Variants in NLK observed in about 807,000 individuals in gnomAD.
NLK encodes the protein nemo like kinase.
A neutral mutation model predicts 59.0 loss-of-function variants in NLK; 11 were observed. The ratio of observed to expected loss-of-function variants is 0.19; its 90% CI spans 0.12 to 0.31. NLK has a LOEUF of 0.31. Among genes scored for constraint, NLK ranks in the 10% least tolerant of loss-of-function variants. The pLI is 1.00. For synonymous variants in NLK, 235 were observed against 235.9 expected, an observed-to-expected ratio of 1.00 and a Z score of 0.03; for missense variants, 410 against 661.1, an observed-to-expected ratio of 0.62 and a Z score of 4.16.
At chr17:28,167,327 C>T (rs559092324) in intron 5 of NLK, among the ~76,000 whole-genome samples, 1 of 152,086 alleles carries the variant, frequency 6.6e-6, no homozygotes, top group Non-Finnish European at 1.5e-5. Context: ...GCCTCAAACT[C>T]CTGGGCTCAA....
chr17:28,175,255 C>T (rs988011726), intron 7 of NLK, among the ~76,000 whole-genome samples: 3 of 151,104 alleles, frequency 2.0e-5, no homozygotes, highest in Admixed American at 6.6e-5. Flanking sequence ...ATCATCCTGG[C>T]TAACATGGTG....
rs1291927264 is a variant in NLK at position 28,155,601 on chromosome 17, T to TA, written c.645-5553dup. On this transcript the variant is annotated intron_variant, in intron 3 of 10. Transcript: ENST00000407008. ...TACACCATGGAATACTATGCAGCCA[T>TA]AAAAAAGGATGAGTTCATGTCCTTT... Among the ~76,000 whole-genome samples the TA allele has an allele frequency of 2.0e-5, 3 of 152,110 alleles. No individual in the cohort carries two copies. The East Asian group carries it at 5.8e-4, about 29-fold the overall frequency.
intron 2 of NLK, among the ~76,000 whole-genome samples, chr17:28,131,911 A>C (rs1441399403): frequency 6.6e-6 from 1 of 152,110 alleles, no homozygotes; most frequent in South Asian, 2.1e-4. Context: ...AGTGTATTTC[A>C]TGTCTTCCTC....
At chr17:28,129,204 C>G (rs1906414055) in intron 2 of NLK, among the ~76,000 whole-genome samples, 1 of 152,154 alleles carries the variant, frequency 6.6e-6, no homozygotes, top group Admixed American at 6.5e-5. Context: ...CCTGTAATCC[C>G]AGCACCTTGG....
At chr17:28,203,160 T>TACACACACACACACAC in the NLK span, among the ~76,000 whole-genome samples, 159 of 127,132 alleles carry the variant, frequency 1.3e-3, no homozygotes, top group African/African-American at 5.2e-3. Context: ...TGTATATACA[T>TACACACACACACACAC]ACATACACAC....
At position 28,194,856 on chromosome 17, in the gene NLK, G is replaced by T. The variant is rs1909428307; in HGVS notation, c.*220G>T. On this transcript the variant is annotated 3_prime_UTR_variant, in exon 11 of 11. Transcript: ENST00000407008. ...TTAGAAGAAAAATATTTTACCCAGA[G>T]TTGCACATGTTTTATGAATTTAGTG... 1 of 385,012 alleles carries T rather than the reference G, an allele frequency of 2.6e-6. No individual in the cohort carries two copies. The highest frequency in any genetic ancestry group is 4.6e-6 in the Non-Finnish European group (1 of 215,864). 23.8% of individuals were successfully genotyped at this position (385,012 alleles called of 1,614,324 possible). A position where few individuals can be genotyped will look rare whatever the true frequency, so the allele number is the denominator to read the frequency against.
rs368051883 is a variant in NLK at position 28,168,255 on chromosome 17, G to A, written c.838-193G>A. Among the ~76,000 whole-genome samples the A allele has an allele frequency of 1.2e-4, 18 of 150,502 alleles. No individual in the cohort carries two copies. The East Asian group carries it at 3.5e-3, about 30-fold the overall frequency. ...GGAGGCTGAGGCAGAAGAATCCCTT[G>A]AACCCAGGAAGCAGAGGTTGCAGTG... On this transcript the variant is annotated intron_variant, in intron 5 of 10. Transcript: ENST00000407008.
chr17:28,096,877 G>C (rs1473570115), intron 1 of NLK, among the ~76,000 whole-genome samples: 2 of 152,164 alleles, frequency 1.3e-5, no homozygotes, highest in Non-Finnish European at 2.9e-5. Context: ...GAAAATAAGA[G>C]GTGTATTCTT....
At chr17:28,085,512 G>A (rs904142729) in intron 1 of NLK, among the ~76,000 whole-genome samples, 10 of 152,224 alleles carry the variant, frequency 6.6e-5, no homozygotes, top group African/African-American at 2.4e-4. Flanking sequence ...GGCCGAGGTG[G>A]GTGCATCACT....
At chr17:28,145,035 T>G (rs1040741683) in intron 3 of NLK, among the ~76,000 whole-genome samples, 3 of 152,214 alleles carry the variant, frequency 2.0e-5, no homozygotes, top group Non-Finnish European at 4.4e-5. Flanking sequence ...CTGTCATTAT[T>G]AAGTATTAAT....
In NLK at chr17:28,153,693, G is replaced by GT. The variant is rs1369362553; in HGVS notation, c.645-7461dup. Among the ~76,000 whole-genome samples the GT allele has an allele frequency of 3.9e-5, 6 of 152,244 alleles. No homozygotes were observed. In the East Asian group the frequency reaches 1.2e-3, roughly 29 times the overall value. ...TTTTTATTTTTGTTTTGTTGTTTGGGTTTTTTCTGTGTAATGGTCCTTTGT... is the reference window on the plus strand; with the variant it reads ...TTTTTATTTTTGTTTTGTTGTTTGGGTTTTTTTCTGTGTAATGGTCCTTTGT... On this transcript the variant is annotated intron_variant, in intron 3 of 10. Coordinates refer to ENST00000407008, the MANE Select transcript of NLK (RefSeq NM_016231.5).
intron 3 of NLK, among the ~76,000 whole-genome samples, chr17:28,139,704 G>T (rs1906906400): frequency 1.3e-5 from 2 of 152,268 alleles, no homozygotes; most frequent in East Asian, 3.9e-4. Context: ...TATAGATGAA[G>T]AAACTATAGC....
intron 1 of NLK, among the ~76,000 whole-genome samples, chr17:28,046,485 A>C (rs745793615): frequency 6.6e-6 from 1 of 152,198 alleles, no homozygotes; most frequent in Non-Finnish European, 1.5e-5. Context: ...TATCATATAC[A>C]ATTTGACCTT....
At chr17:28,135,467 T>C (rs2142024312) in intron 3 of NLK, among the ~76,000 whole-genome samples, 2 of 152,320 alleles carry the variant, frequency 1.3e-5, no homozygotes, top group Admixed American at 1.3e-4. Context: ...GTATTCACCG[T>C]ATATCATATT....
chr17:28,165,120 C>G (rs1908169363), intron 5 of NLK, among the ~76,000 whole-genome samples: 1 of 152,054 alleles, frequency 6.6e-6, no homozygotes, highest in South Asian at 2.1e-4. Flanking sequence ...TTTCCTGCCA[C>G]CTTTTCACTT....
downstream of NLK, among the ~76,000 whole-genome samples, chr17:28,198,991 G>A (rs532318361): frequency 2.6e-5 from 4 of 152,320 alleles, no homozygotes; most frequent in South Asian, 8.3e-4. Flanking sequence ...TGAGAAGTCA[G>A]AAGGTTTTTG....
At position 28,042,878 on chromosome 17, in the gene NLK, CTCTT is replaced by C; in HGVS notation, c.7_10del (p.Leu3ValfsTer9). The C allele has an allele frequency of 6.7e-7, 1 of 1,499,610 alleles. No individual in the cohort carries two copies. The highest frequency in any genetic ancestry group is 9.0e-7 in the Non-Finnish European group (1 of 1,116,458). The allele number at this position is 1,499,610 out of a possible 1,614,324, so 92.9% of individuals were successfully genotyped here. On this transcript the variant is annotated frameshift_variant, in exon 1 of 11. Transcript: ENST00000407008. LOFTEE classifies it high-confidence loss of function. ...ATCAAAGGGCATTTATTTTGAATGT[CTCTT>C]TGTGGCGCAAGAGCCAACGCAAAAA...
intron 4 of NLK, among the ~76,000 whole-genome samples, chr17:28,162,951 G>A (rs924497624): frequency 1.3e-5 from 2 of 151,834 alleles, no homozygotes; most frequent in African/African-American, 2.4e-5. Flanking sequence ...AAAGAAAAAC[G>A]CACACAAAAA....
At chr17:28,160,146 G>T (rs538305044) in intron 3 of NLK, among the ~76,000 whole-genome samples, 1 of 152,170 alleles carries the variant, frequency 6.6e-6, no homozygotes, top group Non-Finnish European at 1.5e-5. Flanking sequence ...GAGTATCCAC[G>T]AGTGTGGATA....
Sources: allele counts gnomAD v4.1 joint callset (sites outside exome capture counted in the v4.1 genomes callset), GRCh38; gene constraint gnomAD v4.1.1; transcripts MANE v1.5; gene names NCBI Gene and HGNC (gene_info 2026-07-23, HGNC 2026-07-21).